Variants in DGKH observed in about 807,000 individuals in gnomAD.
DGKH encodes diacylglycerol kinase eta, also known as DAG kinase eta.
Under a neutral mutation model 159.3 loss-of-function variants are expected in DGKH, and 90 were observed. The observed-to-expected ratio is 0.57, with a 90% CI of 0.48 to 0.67. The LOEUF is 0.67. Among genes scored for constraint, DGKH ranks in the 30% least tolerant of loss-of-function variants. The pLI, the probability that DGKH is intolerant of heterozygous loss-of-function variation, is 0.00. For missense variants in DGKH, 1,181 were observed against 1,506.1 expected, an observed-to-expected ratio of 0.78 and a Z score of 3.57; for synonymous variants, 536 against 553.8, an observed-to-expected ratio of 0.97 and a Z score of 0.45.
At chr13:42,070,617 GAA>G (rs2137691544) in intron 1 of DGKH, 1 of 1,609,328 alleles carries the variant, frequency 6.2e-7, no homozygotes, top group African/African-American at 1.3e-5. Flanking sequence ...CAGTATTAAT[GAA>G]AAGATTAGTT....
intron 28 of DGKH, among the ~76,000 whole-genome samples, chr13:42,221,007 T>A (rs1273826905): frequency 6.6e-6 from 1 of 152,216 alleles, no homozygotes; most frequent in Non-Finnish European, 1.5e-5. Context: ...GTTGGGTGGC[T>A]TTAATGAGGA....
In DGKH at chr13:42,168,547, A is replaced by T; in HGVS notation, c.1226A>T (p.Gln409Leu). 6.2e-7 allele frequency: 1 copy of T among 1,614,132 alleles called. No homozygotes were observed. Among genetic ancestry groups the T allele is most frequent in the Non-Finnish European group, 8.5e-7 (1 of 1,179,950 alleles). Residue 409 changes from glutamine (Q) to leucine (L), a missense_variant and splice_region_variant, in exon 10 of 30, where the codon CAG becomes CTG. Coordinates refer to ENST00000337343, the MANE Select transcript of DGKH (RefSeq NM_178009.5). ...ATCGATAAGCTCAACTTGAATAAAC[A>T]GGCAAGTGCTAATTCTTTTACTTGC... Reference protein sequence around the residue: ...SEIDKLNLNKQCQLGVLPLGT... With the variant: ...SEIDKLNLNKLCQLGVLPLGT...
intron 16 of DGKH, 152 bp from the exon 17 acceptor site, chr13:42,194,733 A>G (rs1021828142): frequency 6.0e-5 from 51 of 850,936 alleles, no homozygotes; most frequent in Admixed American, 3.9e-4. Flanking sequence ...CCCTCCATGT[A>G]AGTCTCAAGA....
At chr13:42,111,104 G>T (rs1954855343) in intron 1 of DGKH, among the ~76,000 whole-genome samples, 1 of 151,648 alleles carries the variant, frequency 6.6e-6, no homozygotes, top group Admixed American at 6.6e-5. Context: ...CTCTAAAGAA[G>T]GTACATATAA....
Position 42,237,599 on chromosome 13 carries a change from A to G in DGKH, c.*8411A>G, listed in dbSNP as rs984465905. On this transcript the variant is annotated 3_prime_UTR_variant, in exon 30 of 30. Coordinates refer to ENST00000337343, the MANE Select transcript of DGKH (RefSeq NM_178009.5). ...AAAACAAAAAATATCACATTGATGA[A>G]GTCCGAGACTGTATCTAGATCTTAG... 5 of 152,264 alleles carry G rather than the reference A, an allele frequency of 3.3e-5. No individual in the cohort carries two copies. The highest frequency in any genetic ancestry group is 1.2e-4 in the African/African-American group (5 of 41,474). 9.4% of individuals were successfully genotyped at this position (152,264 alleles called of 1,614,324 possible).
chr13:42,248,609 A>G (rs1958599137), intron 29 of DGKH, among the ~76,000 whole-genome samples: 3 of 147,586 alleles, frequency 2.0e-5, no homozygotes. Context: ...AATAATTTAT[A>G]TAATACATAA....
chr13:42,071,175 G>A, intron 1 of DGKH: 1 of 535,736 alleles, frequency 1.9e-6, no homozygotes, highest in Non-Finnish European at 3.3e-6. Context: ...CAAAAGGAAA[G>A]ATCTTTCAAA....
intron 1 of DGKH, among the ~76,000 whole-genome samples, chr13:42,081,987 G>C (rs565723717): frequency 2.6e-5 from 4 of 152,134 alleles, no homozygotes; most frequent in Non-Finnish European, 5.9e-5. Flanking sequence ...TTTGATTCCA[G>C]TCCACCCCAC....
intron 13 of DGKH, among the ~76,000 whole-genome samples, chr13:42,184,435 T>G (rs1377457060): frequency 2.6e-5 from 4 of 152,148 alleles, no homozygotes; most frequent in Admixed American, 2.6e-4. Context: ...GTAGAGATGA[T>G]AGTGGAAATC....
intron 3 of DGKH, among the ~76,000 whole-genome samples, chr13:42,144,734 G>T (rs1294551999): frequency 1.3e-5 from 2 of 151,586 alleles, no homozygotes. Context: ...TCCATCACAC[G>T]TGGTCTTATT....
Position 42,178,173 on chromosome 13 carries a change from A to G in DGKH, c.1491A>G (p.Thr497=), listed in dbSNP as rs377512948. Residue 497 remains threonine, a synonymous_variant, in exon 13 of 30, where the codon ACA becomes ACG. Coordinates refer to ENST00000337343, the MANE Select transcript of DGKH (RefSeq NM_178009.5). ...IYEDSVATHL[T]KILNSDEHAV... ...AAGACTCAGTTGCAACGCATCTTAC[A>G]AAAATCCTCAATTCTGATGAACATG... is the stretch of plus-strand genomic sequence containing the variant. 3 of 1,607,530 alleles carry G rather than the reference A, an allele frequency of 1.9e-6. No individual in the cohort carries two copies. Among genetic ancestry groups the G allele is most frequent in the Non-Finnish European group, 2.6e-6 (3 of 1,175,696 alleles).
chr13:42,162,695 T>C (rs909472256), intron 7 of DGKH, among the ~76,000 whole-genome samples: 2 of 151,776 alleles, frequency 1.3e-5, no homozygotes, highest in Non-Finnish European at 2.9e-5. Context: ...TCCCAGCCAC[T>C]TGGGAGGCTG....
chr13:42,246,341 T>C (rs1958579618), downstream of DGKH, among the ~76,000 whole-genome samples: 1 of 152,030 alleles, frequency 6.6e-6, no homozygotes, highest in African/African-American at 2.4e-5. Flanking sequence ...CCCTGCAGTT[T>C]GGGAGGCCAA....
intron 3 of DGKH, among the ~76,000 whole-genome samples, chr13:42,130,613 GAC>G (rs1235875876): frequency 1.3e-5 from 2 of 152,118 alleles, no homozygotes; most frequent in Non-Finnish European, 2.9e-5. Context: ...TACCACTCCT[GAC>G]AGCAGTGTGC....
At chr13:42,217,262 CT>C (rs1218456405) in intron 26 of DGKH, among the ~76,000 whole-genome samples, 2 of 151,072 alleles carry the variant, frequency 1.3e-5, no homozygotes, top group African/African-American at 2.4e-5. Context: ...AGAGAATCTC[CT>C]TTTTTTTTGA....
At chr13:42,063,304 G>A (rs937424001) in intron 1 of DGKH, among the ~76,000 whole-genome samples, 1 of 152,086 alleles carries the variant, frequency 6.6e-6, no homozygotes, top group Non-Finnish European at 1.5e-5. Context: ...GAGCATTCCC[G>A]AACAGCTGAC....
chr13:42,174,078 T>G lies in DGKH; in HGVS notation c.1386T>G (p.Tyr462Ter). 6.2e-7 allele frequency: 1 copy of G among 1,613,734 alleles called. No homozygotes were observed. The stretch of plus-strand genomic sequence containing the variant: ...CCTTCAGGTGGAGTATAATGACATA[T>G]GAACTCAAATTGCCACCAAAAGCTT... ...KMLDRWSIMT[Y>*]ELKLPPKASL... is the part of the protein sequence containing the mutation. Residue 462 changes from tyrosine to a stop codon, truncating the protein, a stop_gained, in exon 12 of 30, where the codon TAT becomes TAG. Coordinates refer to ENST00000337343, the MANE Select transcript of DGKH (RefSeq NM_178009.5). LOFTEE classifies it high-confidence loss of function.
In DGKH at chr13:42,169,409, C is replaced by A. The variant is rs78271999; in HGVS notation, c.1367+591C>A. ...TGTTCTTGATCACATCTCTTAATTG[C>A]TTTCTCTCTGAATGTCCGTGTATAA... On this transcript the variant is annotated intron_variant, in intron 11 of 29. Coordinates refer to ENST00000337343, the MANE Select transcript of DGKH (RefSeq NM_178009.5). Among the ~76,000 whole-genome samples the A allele has an allele frequency of 5.4e-3, 823 of 152,230 alleles. 10 individuals carry two copies. The highest frequency in any genetic ancestry group is 0.019 in the African/African-American group (789 of 41,532).
At chr13:42,051,231 A>G (rs1458843528) in intron 1 of DGKH, among the ~76,000 whole-genome samples, 1 of 152,230 alleles carries the variant, frequency 6.6e-6, no homozygotes, top group African/African-American at 2.4e-5. Flanking sequence ...TCAAAAGTGT[A>G]TTGAATGTCA....
Sources: gnomAD v4.1 joint callset for allele counts (sites outside exome capture counted in the v4.1 genomes callset) on GRCh38, gnomAD v4.1.1 for gene constraint, MANE v1.5 for transcripts, NCBI Gene and HGNC (gene_info 2026-07-23, HGNC 2026-07-21) for gene names.